Variants in ATXN7 observed in about 807,000 individuals in gnomAD.
ATXN7 encodes the protein ataxin-7.
Under a neutral mutation model 70.5 loss-of-function variants are expected in ATXN7, and 12 were observed. The observed-to-expected ratio is 0.17, with a 90% CI of 0.11 to 0.28. ATXN7 has a LOEUF of 0.28. Ranked by LOEUF, ATXN7 falls within the 10% of genes least tolerant of loss-of-function variation. The pLI is 1.00. For missense variants in ATXN7, 1,256 were observed against 1,131.7 expected (o/e 1.11, Z -1.58); for synonymous variants, 498 against 448.7 (o/e 1.11, Z -1.39).
At chr3:63,897,200 A>C (rs1703473877) in intron 1 of ATXN7, among the ~76,000 whole-genome samples, 1 of 152,206 alleles carries the variant, frequency 6.6e-6, no homozygotes, top group East Asian at 1.9e-4. Flanking sequence ...TATTGGAAGT[A>C]AGGCAGAAAA....
intron 1 of ATXN7, among the ~76,000 whole-genome samples, chr3:63,895,187 T>G (rs1246809533): frequency 6.6e-6 from 1 of 152,210 alleles, no homozygotes; most frequent in African/African-American, 2.4e-5. Flanking sequence ...TTCTTTCGTT[T>G]ATTGTGATTA....
rs563879998 is a variant in ATXN7 at position 63,872,269 on chromosome 3, C to G, written c.-111+8111C>G. ...TTCATGAAGCATGTCTGTCAGTTAT[C>G]TATTGTTAACAACCCATTCCAAAAG... On this transcript the variant is annotated intron_variant, in intron 1 of 12. Transcript: ENST00000674280. 7.2e-5 allele frequency among the ~76,000 whole-genome samples: 11 copies of G among 152,316 alleles called. No homozygotes were observed. The South Asian group carries it at 2.1e-3, about 29-fold the overall frequency.
chr3:63,993,507 C>G (rs1343364390), intron 11 of ATXN7, among the ~76,000 whole-genome samples: 1 of 151,714 alleles, frequency 6.6e-6, no homozygotes, highest in Non-Finnish European at 1.5e-5. Flanking sequence ...ACCGAGTCCT[C>G]CTGTCTCCTA....
At chr3:63,879,464 A>G (rs1290736791) in intron 1 of ATXN7, among the ~76,000 whole-genome samples, 1 of 151,598 alleles carries the variant, frequency 6.6e-6, no homozygotes, top group African/African-American at 2.4e-5. Flanking sequence ...GTGCAACTTA[A>G]GTCCTTATGG....
At chr3:63,938,565 G>T (rs1325838054) in intron 4 of ATXN7, among the ~76,000 whole-genome samples, 1 of 152,162 alleles carries the variant, frequency 6.6e-6, no homozygotes, top group Non-Finnish European at 1.5e-5. Flanking sequence ...TAAGGAAAAT[G>T]CATTCAAAGC....
chr3:63,964,893 A>G (rs145383544), intron 5 of ATXN7, among the ~76,000 whole-genome samples: 79 of 152,312 alleles, frequency 5.2e-4, no homozygotes, highest in African/African-American at 1.6e-3. Context: ...GTAAGTGCCA[A>G]TTAAGGCCAA....
At chr3:63,949,470 C>T (rs2074918597) in intron 4 of ATXN7, among the ~76,000 whole-genome samples, 1 of 152,120 alleles carries the variant, frequency 6.6e-6, no homozygotes, top group Admixed American at 6.5e-5. Context: ...GCAATCTTGG[C>T]TCATGGCAAC....
intron 4 of ATXN7, among the ~76,000 whole-genome samples, chr3:63,920,282 A>G (rs1040374948): frequency 1.3e-5 from 2 of 152,142 alleles, no homozygotes; most frequent in East Asian, 1.9e-4. Flanking sequence ...TGTAAACTCT[A>G]ATCTCAGGAG....
At chr3:63,904,006 GA>G (rs1469543017) in intron 2 of ATXN7, 1 of 152,114 alleles carries the variant, frequency 6.6e-6, no homozygotes, top group Non-Finnish European at 1.5e-5. Context: ...TCACAGTATT[GA>G]TTGTATAACT....
In ATXN7 at chr3:63,995,683, C is replaced by T. The variant is rs772718664; in HGVS notation, c.1861C>T (p.His621Tyr). 1 of 1,614,208 alleles carries T rather than the reference C, an allele frequency of 6.2e-7. No individual in the cohort carries two copies. The highest frequency in any genetic ancestry group is 8.5e-7 in the Non-Finnish European group (1 of 1,180,044). ...CCCAAATAGCAAATCGGTACCAGCT[C>T]ATGGAACCACACTAAATGCACAGCC... ...ISPNSKSVPA[H>Y]GTTLNAQPAA... Residue 621 changes from histidine (H) to tyrosine (Y), a missense_variant, in exon 12 of 13, where the codon CAT becomes TAT. Physicochemically the swap from His to Tyr is moderately conservative, Grantham distance 83. Coordinates refer to ENST00000674280, the MANE Select transcript of ATXN7 (RefSeq NM_001377405.1).
At chr3:63,940,591 T>C (rs1312496997) in intron 4 of ATXN7, among the ~76,000 whole-genome samples, 2 of 152,192 alleles carry the variant, frequency 1.3e-5, no homozygotes, top group African/African-American at 4.8e-5. Context: ...CTGTTCTTTA[T>C]CGAGCCCTTA....
intron 1 of ATXN7, among the ~76,000 whole-genome samples, chr3:63,880,201 A>C (rs181316219): frequency 2.0e-3 from 299 of 152,330 alleles, no homozygotes; most frequent in Middle Eastern, 0.01. Flanking sequence ...CTCTGTAAAT[A>C]TGAATGGTGA....
At chr3:63,937,030 TAA>T (rs2074674160) in intron 4 of ATXN7, among the ~76,000 whole-genome samples, 1 of 152,188 alleles carries the variant, frequency 6.6e-6, no homozygotes, top group Non-Finnish European at 1.5e-5. Flanking sequence ...GTCTAAAAAA[TAA>T]GAGTGAAAAT....
Position 63,979,903 on chromosome 3 carries a change from T to C in ATXN7, c.500-12T>C, listed in dbSNP as rs1224651259. ...AAACATGATGTCTTTTTTTCTTTGC[T>C]TTCGTTTTCAGAAAGAAGACATAGC... On this transcript the variant is annotated splice_polypyrimidine_tract_variant and intron_variant, in intron 5 of 12. Transcript: ENST00000674280. The C allele has an allele frequency of 1.2e-6, 2 of 1,612,020 alleles. No homozygotes were observed. The highest frequency in any genetic ancestry group is 2.2e-5 in the East Asian group (1 of 44,866).
intron 2 of ATXN7, chr3:63,905,880 A>G (rs1431600703): frequency 2.0e-5 from 3 of 152,224 alleles, no homozygotes; most frequent in Non-Finnish European, 4.4e-5. Flanking sequence ...GTGAAAATAA[A>G]TATTTGTCTT....
rs1170912836 is a variant in ATXN7, at chr3:63,912,724, T to C, written c.126T>C (p.Pro42=). Residue 42 remains proline (P), a synonymous_variant, in exon 3 of 13, where the codon CCT becomes CCC. Coordinates refer to ENST00000674280, the MANE Select transcript of ATXN7 (RefSeq NM_001377405.1). The part of the protein sequence containing the change: ...QQQQQQQQPP[P]PQPQRQQHPP... ...AGCAGCAGCAGCAGCAGCCGCCGCCTCCGCAGCCCCAGCGGCAGCAGCACC... is the reference window on the plus strand; with the variant it reads ...AGCAGCAGCAGCAGCAGCCGCCGCCCCCGCAGCCCCAGCGGCAGCAGCACC... 27 of 1,196,868 alleles carry C rather than the reference T, an allele frequency of 2.3e-5. No homozygotes were observed. The highest frequency in any genetic ancestry group is 1.0e-4 in the South Asian group (3 of 29,960). 74.1% of individuals were successfully genotyped at this position (1,196,868 alleles called of 1,614,324 possible).
At position 63,996,166 on chromosome 3, in the gene ATXN7, G is replaced by A. The variant is rs148498434; in HGVS notation, c.2344G>A (p.Gly782Arg). Residue 782 changes from glycine (G) to arginine (R), a missense_variant, in exon 12 of 13, where the codon GGG (glycine) becomes AGG (arginine). Physicochemically the swap from Gly to Arg is moderately radical, Grantham distance 125. Coordinates refer to ENST00000674280, the MANE Select transcript of ATXN7 (RefSeq NM_001377405.1). ...CCAGTCAGGGAGGGGCCCCCCCACCGGGAGCCCTGCTGAATCCATCAAGAG... is the reference window on the plus strand; with the variant it reads ...CCAGTCAGGGAGGGGCCCCCCCACCAGGAGCCCTGCTGAATCCATCAAGAG... Reference protein sequence around the residue: ...HDQSGRGPPTGSPAESIKRMS... With the variant: ...HDQSGRGPPTRSPAESIKRMS... 3.1e-6 allele frequency: 5 copies of A among 1,614,018 alleles called. No homozygotes were observed. The highest frequency in any genetic ancestry group is 3.3e-5 in the Admixed American group (2 of 59,996).
At chr3:63,954,277 G>A (rs1025404090) in intron 5 of ATXN7, among the ~76,000 whole-genome samples, 2 of 152,348 alleles carry the variant, frequency 1.3e-5, no homozygotes, top group East Asian at 1.9e-4. Flanking sequence ...TGGCTGCACA[G>A]TTTGTGCACT....
intron 5 of ATXN7, among the ~76,000 whole-genome samples, chr3:63,978,107 C>T (rs1314659392): frequency 2.0e-5 from 3 of 152,148 alleles, no homozygotes; most frequent in Admixed American, 2.0e-4. Context: ...TGTAGTGTCT[C>T]AACCGTGGCT....
Sources: allele counts gnomAD v4.1 joint callset (sites outside exome capture counted in the v4.1 genomes callset), GRCh38; gene constraint gnomAD v4.1.1; transcripts MANE v1.5; gene names NCBI Gene and HGNC (gene_info 2026-07-23, HGNC 2026-07-21).